The following SGIP1 variants were observed in gnomAD, a reference collection of about 807,000 sequenced individuals.
SGIP1 encodes the protein SH3-containing GRB2-like protein 3-interacting protein 1.
Under a neutral mutation model 107.5 loss-of-function variants are expected in SGIP1, and 38 were observed. That is an observed-to-expected ratio of 0.35 (90% CI 0.27 to 0.46). SGIP1 has a LOEUF of 0.46. Among genes scored for constraint, SGIP1 ranks in the 20% least tolerant of loss-of-function variants. The pLI, the probability that SGIP1 is intolerant of heterozygous loss-of-function variation, is 1.00. For synonymous variants in SGIP1, 365 were observed against 366.1 expected (o/e 1.00, Z 0.03); for missense variants, 929 against 1,019.5 (o/e 0.91, Z 1.21).
At chr1:66,547,447 T>C (rs998047241) in intron 1 of SGIP1, among the ~76,000 whole-genome samples, 1 of 152,196 alleles carries the variant, frequency 6.6e-6, no homozygotes, top group African/African-American at 2.4e-5. Flanking sequence ...CAGCAAAGTC[T>C]AATCCTCTTT....
At chr1:66,716,027 C>A (rs2150393204) in intron 18 of SGIP1, among the ~76,000 whole-genome samples, 1 of 152,216 alleles carries the variant, frequency 6.6e-6, no homozygotes, top group East Asian at 1.9e-4. Context: ...AACAGGCCTA[C>A]AAAATGGGTA....
chr1:66,730,348 C>G (rs1163132091), intron 20 of SGIP1, among the ~76,000 whole-genome samples: 1 of 152,078 alleles, frequency 6.6e-6, no homozygotes, highest in Non-Finnish European at 1.5e-5. Flanking sequence ...TCACACAAAC[C>G]CACATGCATG....
chr1:66,737,780 T>C (rs1382535578), intron 21 of SGIP1, among the ~76,000 whole-genome samples: 1 of 152,232 alleles, frequency 6.6e-6, no homozygotes, highest in East Asian at 1.9e-4. Context: ...ACGTGTTCTC[T>C]GAGGAATCCC....
chr1:66,722,366 A>G (rs2093580515), intron 19 of SGIP1, among the ~76,000 whole-genome samples: 1 of 152,088 alleles, frequency 6.6e-6, no homozygotes, highest in Non-Finnish European at 1.5e-5. Context: ...CTCTGTCTCC[A>G]TAGCCCTTCT....
chr1:66,691,717 T>A (rs1177345587), intron 17 of SGIP1, among the ~76,000 whole-genome samples: 1 of 152,160 alleles, frequency 6.6e-6, no homozygotes, highest in Non-Finnish European at 1.5e-5. Context: ...AGATTAGTTG[T>A]TTCACCTCCT....
chr1:66,654,480 A>C (rs1425481918), intron 7 of SGIP1, among the ~76,000 whole-genome samples: 1 of 151,906 alleles, frequency 6.6e-6, no homozygotes, highest in Non-Finnish European at 1.5e-5. Flanking sequence ...AATTATACTT[A>C]TTTTTTTACT....
chr1:66,588,723 C>A (rs890639608), intron 1 of SGIP1, among the ~76,000 whole-genome samples: 4 of 145,732 alleles, frequency 2.7e-5, no homozygotes, highest in Non-Finnish European at 6.0e-5. Context: ...TTAACTTTCA[C>A]GGTGTCCTAT....
chr1:66,665,631 C>T (rs989041821), intron 8 of SGIP1, among the ~76,000 whole-genome samples: 1 of 152,176 alleles, frequency 6.6e-6, no homozygotes. Flanking sequence ...TCTCCAGCAC[C>T]TGTTGTTTCC....
chr1:66,605,396 A>G (rs1173582358), intron 1 of SGIP1, among the ~76,000 whole-genome samples: 4 of 152,076 alleles, frequency 2.6e-5, no homozygotes, highest in Non-Finnish European at 5.9e-5. Context: ...AGAAATTTAA[A>G]AAATTATAAA....
rs538848081 is a variant in SGIP1, at chr1:66,643,462, G to A, written c.284-82G>A. On this transcript the variant is annotated intron_variant, in intron 6 of 24. Coordinates refer to ENST00000371037, the MANE Select transcript of SGIP1 (RefSeq NM_032291.4). ...TCTGCCATCTAAGGATACTTTTGCT[G>A]TCTCTATATGCAATTGCTCTTGTCT... is the stretch of plus-strand genomic sequence containing the variant. 12 of 1,146,256 alleles carry A rather than the reference G, an allele frequency of 1.0e-5. No individual in the cohort carries two copies. The South Asian group carries it at 1.3e-4, about 13-fold the overall frequency. 71.0% of individuals were successfully genotyped at this position (1,146,256 alleles called of 1,614,324 possible). A position where few individuals can be genotyped will look rare whatever the true frequency, so the allele number is the denominator to read the frequency against.
chr1:66,694,543 C>A (rs1187442640), intron 17 of SGIP1: 3 of 1,494,680 alleles, frequency 2.0e-6, no homozygotes, highest in Non-Finnish European at 2.7e-6. Context: ...GACCTAGATT[C>A]CAAAAATCCA....
chr1:66,587,646 A>C (rs957377291), intron 1 of SGIP1, among the ~76,000 whole-genome samples: 2 of 152,144 alleles, frequency 1.3e-5, no homozygotes, highest in Admixed American at 6.6e-5. Flanking sequence ...GCCAGTGCTT[A>C]TGTGAACATT....
At chr1:66,681,077 A>G (rs185653805) in intron 14 of SGIP1, among the ~76,000 whole-genome samples, 192 of 152,368 alleles carry the variant, frequency 1.3e-3, no homozygotes, top group African/African-American at 4.4e-3. Flanking sequence ...TGAGGTTGAC[A>G]GGTTAGACTT....
intron 1 of SGIP1, among the ~76,000 whole-genome samples, chr1:66,546,757 G>A (rs1049870892): frequency 6.6e-6 from 1 of 152,174 alleles, no homozygotes; most frequent in Non-Finnish European, 1.5e-5. Context: ...AGAAAGCAAG[G>A]TAGTGAAGAG....
At chr1:66,592,897 CTTTTTTTTTTTTTTTTTTT>C (rs35762612) in intron 1 of SGIP1, among the ~76,000 whole-genome samples, 2 of 56,340 alleles carry the variant, frequency 3.5e-5, no homozygotes, top group Non-Finnish European at 6.0e-5. Context: ...TCTTCTTCTT[CTTTTTTTTTTTTTTTTTTT>C]TTTTTTTTTT....
At chr1:66,733,523 T>G (rs2094110877) in intron 20 of SGIP1, among the ~76,000 whole-genome samples, 1 of 152,190 alleles carries the variant, frequency 6.6e-6, no homozygotes, top group African/African-American at 2.4e-5. Flanking sequence ...CTGAGATTGA[T>G]AGCAACACAG....
In SGIP1 at chr1:66,621,527, A is replaced by C. The variant is rs556666843; in HGVS notation, c.11-4320A>C. On this transcript the variant is annotated intron_variant, in intron 1 of 24. Transcript: ENST00000371037. The stretch of plus-strand genomic sequence containing the variant: ...TTTAGTACATTCTCAATGTCATGCA[A>C]CATAACCACCATCAAGTTCCAGAAC... 2.0e-4 allele frequency among the ~76,000 whole-genome samples: 31 copies of C among 152,340 alleles called. No individual in the cohort carries two copies. In the South Asian group the frequency reaches 6.4e-3, roughly 32 times the overall value.
chr1:66,547,933 G>A (rs2056716260), intron 1 of SGIP1, among the ~76,000 whole-genome samples: 1 of 152,140 alleles, frequency 6.6e-6, no homozygotes, highest in African/African-American at 2.4e-5. Flanking sequence ...CATTTCAGGA[G>A]TGAAAACAGT....
Position 66,746,604 on chromosome 1 carries a change from TTC to T in SGIP1, c.*3513_*3514del, listed in dbSNP as rs969242460. 3 of 152,154 alleles carry T rather than the reference TTC, an allele frequency of 2.0e-5. No homozygotes were observed. Among genetic ancestry groups the T allele is most frequent in the African/African-American group, 7.2e-5 (3 of 41,452 alleles). The allele number at this position is 152,154 out of a possible 1,614,324, so 9.4% of individuals were successfully genotyped here. A position where few individuals can be genotyped will look rare whatever the true frequency, so the allele number is the denominator to read the frequency against. ...TCACTAGAGATATTAGCTCATTTAATTCTCTTATCAATCAAAAAATTGTAAGT... is the reference window on the plus strand; with the variant it reads ...TCACTAGAGATATTAGCTCATTTAATTCTTATCAATCAAAAAATTGTAAGT... On this transcript the variant is annotated 3_prime_UTR_variant, in exon 25 of 25. Coordinates refer to ENST00000371037, the MANE Select transcript of SGIP1 (RefSeq NM_032291.4).
Sources: gnomAD v4.1 joint callset for allele counts (sites outside exome capture counted in the v4.1 genomes callset) on GRCh38, gnomAD v4.1.1 for gene constraint, MANE v1.5 for transcripts, NCBI Gene and HGNC (gene_info 2026-07-23, HGNC 2026-07-21) for gene names.